GOLM1: variants seen among roughly 807,000 people sequenced by gnomAD.
GOLM1 encodes golgi membrane protein 1, also known as epididymis luminal protein 46.
A neutral mutation model predicts 50.5 loss-of-function variants in GOLM1; 31 were observed. That is an observed-to-expected ratio of 0.61 (90% CI 0.46 to 0.83). The LOEUF is 0.83. Among genes scored for constraint, GOLM1 ranks in the 40% least tolerant of loss-of-function variants. GOLM1 has a pLI of 0.00. For synonymous variants in GOLM1, 178 were observed against 192.8 expected, an observed-to-expected ratio of 0.92 and a Z score of 0.64; for missense variants, 491 against 501.3, an observed-to-expected ratio of 0.98 and a Z score of 0.20.
chr9:86,028,951 C>T (rs1383428339), intron 9 of GOLM1, among the ~76,000 whole-genome samples: 1 of 151,496 alleles, frequency 6.6e-6, no homozygotes, highest in Non-Finnish European at 1.5e-5. Context: ...GGGGTTCACG[C>T]CATTCTCCCG....
rs372525191 is a variant in GOLM1, at chr9:86,040,914, G to C, written c.468-46C>G. Reference sequence around the variant, plus strand: ...GGAAGGGCCTGACGTCTATGACTGTGTCTCTGCTGGACGGTGACATCCACT... The same window carrying C: ...GGAAGGGCCTGACGTCTATGACTGTCTCTCTGCTGGACGGTGACATCCACT... On this transcript the variant is annotated intron_variant, in intron 5 of 9. Coordinates refer to ENST00000388712, the MANE Select transcript of GOLM1 (RefSeq NM_016548.4). The C allele has an allele frequency of 5.0e-6, 8 of 1,593,636 alleles. No homozygotes were observed. The African/African-American group carries it at 9.4e-5, about 19-fold the overall frequency.
chr9:86,034,221 T>C (rs1048485346), intron 8 of GOLM1, among the ~76,000 whole-genome samples: 3 of 152,090 alleles, frequency 2.0e-5, no homozygotes, highest in Admixed American at 1.3e-4. Context: ...CCTCGGCCTC[T>C]CAAAGTGCTG....
intron 8 of GOLM1, 115 bp from the exon 9 acceptor site, chr9:86,033,510 C>T: frequency 1.5e-6 from 1 of 664,988 alleles, no homozygotes; most frequent in South Asian, 1.8e-5. Flanking sequence ...GATCTGTCTG[C>T]TGCCTCTCTG....
At chr9:86,037,881 G>A (rs1426897181) in intron 6 of GOLM1, among the ~76,000 whole-genome samples, 1 of 152,184 alleles carries the variant, frequency 6.6e-6, no homozygotes, top group Non-Finnish European at 1.5e-5. Context: ...CCAGCCAGGC[G>A]TGGTGGCTAA....
chr9:86,034,584 G>A (rs1013530602), intron 8 of GOLM1, among the ~76,000 whole-genome samples: 1 of 152,206 alleles, frequency 6.6e-6, no homozygotes, highest in Non-Finnish European at 1.5e-5. Flanking sequence ...ACAGAGCAGG[G>A]ATACTTAGGG....
At chr9:86,060,876 C>CAAAAAAAAAAAAAAAAAAAAA (rs753183065) in intron 3 of GOLM1, among the ~76,000 whole-genome samples, 3 of 19,908 alleles carry the variant, frequency 1.5e-4, no homozygotes, top group Non-Finnish European at 2.5e-4. Flanking sequence ...GAAACTCTCT[C>CAAAAAAAAAAAAAAAAAAAAA]AAAAAAAAAA....
At chr9:86,067,573 T>C (rs1309563875) in intron 3 of GOLM1, among the ~76,000 whole-genome samples, 1 of 152,176 alleles carries the variant, frequency 6.6e-6, no homozygotes, top group Non-Finnish European at 1.5e-5. Flanking sequence ...CTTAGTGACT[T>C]GCTTCTAATG....
At chr9:86,055,719 T>C (rs1833964959) in intron 3 of GOLM1, among the ~76,000 whole-genome samples, 2 of 152,188 alleles carry the variant, frequency 1.3e-5, no homozygotes, top group African/African-American at 4.8e-5. Flanking sequence ...AGGATTCCAT[T>C]CATATGAAGT....
At chr9:86,069,969 C>T (rs558189378) in intron 3 of GOLM1, among the ~76,000 whole-genome samples, 7 of 152,104 alleles carry the variant, frequency 4.6e-5, no homozygotes, top group African/African-American at 1.7e-4. Flanking sequence ...CTGCAACCTC[C>T]GCCTCCCGGG....
Position 86,026,988 on chromosome 9 carries a change from C to G in GOLM1, c.*829G>C. On this transcript the variant is annotated 3_prime_UTR_variant, in exon 10 of 10. Coordinates refer to ENST00000388712, the MANE Select transcript of GOLM1 (RefSeq NM_016548.4). ...ACAAACTTGCCCTCTCATGCCTTGC[C>G]TCTCACCATGCTCTGCTCCAGGTCA... The G allele has an allele frequency of 5.1e-6, 5 of 985,426 alleles. No individual in the cohort carries two copies. Among genetic ancestry groups the G allele is most frequent in the Non-Finnish European group, 6.0e-6 (5 of 829,942 alleles). The allele number at this position is 985,426 out of a possible 1,614,324, so 61.0% of individuals were successfully genotyped here.
intron 8 of GOLM1, among the ~76,000 whole-genome samples, chr9:86,034,171 G>T (rs934306562): frequency 6.6e-6 from 1 of 152,090 alleles, no homozygotes; most frequent in South Asian, 2.1e-4. Flanking sequence ...CACCATATTG[G>T]CCAGGATGGT....
chr9:86,063,161 G>A (rs1834210095), intron 3 of GOLM1, among the ~76,000 whole-genome samples: 1 of 152,234 alleles, frequency 6.6e-6, no homozygotes, highest in Non-Finnish European at 1.5e-5. Flanking sequence ...GGCTTGAAAA[G>A]CTCCAGCTCC....
chr9:86,097,245 G>A (rs1030085599), intron 1 of GOLM1, among the ~76,000 whole-genome samples: 4 of 152,086 alleles, frequency 2.6e-5, no homozygotes, highest in Non-Finnish European at 5.9e-5. Flanking sequence ...AGTTTTTGGG[G>A]AGCAAGTGAA....
intron 3 of GOLM1, 63 bp downstream of exon 3, chr9:86,077,349 G>A: frequency 7.5e-7 from 1 of 1,341,082 alleles, no homozygotes; most frequent in Non-Finnish European, 1.1e-6. Context: ...CCGCCAAGAA[G>A]AAACAGACAA....
chr9:86,044,318 A>G (rs1239465155), intron 5 of GOLM1, among the ~76,000 whole-genome samples: 2 of 152,246 alleles, frequency 1.3e-5, no homozygotes, highest in African/African-American at 4.8e-5. Flanking sequence ...TGTCCTCTAC[A>G]GAGACGTGTA....
At chr9:86,044,906 C>T (rs1250108700) in intron 5 of GOLM1, among the ~76,000 whole-genome samples, 2 of 148,540 alleles carry the variant, frequency 1.3e-5, no homozygotes, top group Admixed American at 6.7e-5. Flanking sequence ...GAGCTGAGAT[C>T]GTACCACTGC....
At chr9:86,043,754 C>T (rs112083252) in intron 5 of GOLM1, among the ~76,000 whole-genome samples, 8 of 152,130 alleles carry the variant, frequency 5.3e-5, no homozygotes, top group African/African-American at 1.9e-4. Context: ...ACATGTGTCT[C>T]CAGCCCAGCT....
intron 3 of GOLM1, among the ~76,000 whole-genome samples, chr9:86,074,255 A>G (rs1291223380): frequency 1.4e-5 from 2 of 147,204 alleles, no homozygotes; most frequent in African/African-American, 2.6e-5. Context: ...AAAAAAAAAA[A>G]GACAGACAAT....
At chr9:86,076,960 A>C (rs10117758) in intron 3 of GOLM1, among the ~76,000 whole-genome samples, 52,991 of 152,050 alleles carry the variant, frequency 0.35, 12,510 homozygotes, top group African/African-American at 0.66. Flanking sequence ...GCTTAAAAGC[A>C]AGGGTGCAGT....
Sources: gnomAD v4.1 joint callset for allele counts (sites outside exome capture counted in the v4.1 genomes callset) on GRCh38, gnomAD v4.1.1 for gene constraint, MANE v1.5 for transcripts, NCBI Gene and HGNC (gene_info 2026-07-23, HGNC 2026-07-21) for gene names.